LCN8: variants seen among roughly 807,000 people sequenced by gnomAD.
LCN8 encodes lipocalin 8, also known as epididymal-specific lipocalin-8.
In LCN8, 16 loss-of-function variants were observed where a neutral mutation model predicts 22.8. The observed-to-expected ratio is 0.70, with a 90% confidence interval of 0.47 to 1.06. The LOEUF (loss-of-function observed/expected upper bound fraction) is 1.06, where lower values mean the gene tolerates loss of function less well. LCN8 is among the 50% of genes least tolerant of loss of function. The pLI is 0.00. For synonymous variants in LCN8, 92 were observed against 83.4 expected (o/e 1.10, Z -0.56); for missense variants, 189 against 203.3 (o/e 0.93, Z 0.43).
chr9:136,754,468 C>A lies in LCN8; in HGVS notation c.*30G>T. ...GAGGGGCAGGGGTGGGCGGGCGCTC[C>A]GAACCTTGTGGTCTGAGGCAGGAAC... On this transcript the variant is annotated 3_prime_UTR_variant, in exon 7 of 7. Coordinates refer to ENST00000371688, the MANE Select transcript of LCN8 (RefSeq NM_178469.4). 6.4e-7 allele frequency: 1 copy of A among 1,556,872 alleles called. No individual in the cohort carries two copies. The highest frequency in any genetic ancestry group is 1.3e-5 in the African/African-American group (1 of 74,074).
At chr9:136,756,744 A>G in intron 2 of LCN8, 152 bp from the exon 3 acceptor site, 1 of 1,223,670 alleles carries the variant, frequency 8.2e-7, no homozygotes, top group South Asian at 1.5e-5. Context: ...GGAATGTGCC[A>G]GGTGGGGCCT....
chr9:136,757,260 C>A, intron 1 of LCN8, 92 bp from the exon 2 acceptor site: 3 of 1,530,048 alleles, frequency 2.0e-6, no homozygotes, highest in Non-Finnish European at 2.6e-6. Flanking sequence ...GCCTGCTGGG[C>A]TCTGAGAGGT....
intron 6 of LCN8, chr9:136,754,742 C>T (rs994176614): frequency 3.3e-5 from 46 of 1,391,476 alleles, no homozygotes; most frequent in Non-Finnish European, 3.8e-5. Flanking sequence ...AACATGGGAG[C>T]CCTGAGGCAG....
At position 136,758,054 on chromosome 9, in the gene LCN8, G is replaced by C; in HGVS notation, c.-124C>G. The C allele has an allele frequency of 1.3e-6, 2 of 1,537,770 alleles. No individual in the cohort carries two copies. Among genetic ancestry groups the C allele is most frequent in the Admixed American group, 2.0e-5 (1 of 50,920 alleles). ...TGCACAGCCTGGGCCGATTCTATAC[G>C]GACAGTGCAGGCTTGTGCGCCCACC... On this transcript the variant is annotated 5_prime_UTR_variant, in exon 1 of 7. Coordinates refer to ENST00000371688, the MANE Select transcript of LCN8 (RefSeq NM_178469.4).
rs539799472 is a variant in LCN8, at chr9:136,754,820, C to T, written c.448-311G>A. On this transcript the variant is annotated intron_variant, in intron 6 of 6. Coordinates refer to ENST00000371688, the MANE Select transcript of LCN8 (RefSeq NM_178469.4). ...GGCAGAAGCAGCCGGCAGTCCTGCACAGAACACCGAAGAAAAGGCGCCATT... is the reference window on the plus strand; with the variant it reads ...GGCAGAAGCAGCCGGCAGTCCTGCATAGAACACCGAAGAAAAGGCGCCATT... 9.4e-6 allele frequency: 13 copies of T among 1,377,660 alleles called. No homozygotes were observed. The African/African-American group carries it at 1.5e-4, about 16-fold the overall frequency. 85.3% of individuals were successfully genotyped at this position (1,377,660 alleles called of 1,614,324 possible). A position where few individuals can be genotyped will look rare whatever the true frequency, so the allele number is the denominator to read the frequency against.
intron 1 of LCN8, 60 bp from the exon 2 acceptor site, chr9:136,757,228 T>C: frequency 6.3e-7 from 1 of 1,576,840 alleles, no homozygotes; most frequent in African/African-American, 1.4e-5. Flanking sequence ...CCCAGGGGCA[T>C]TCCACGAACC....
intron 3 of LCN8, chr9:136,755,808 G>GGGGAACAGTGCGGGGAACAGTGCA (rs1847176459): frequency 2.6e-6 from 1 of 390,792 alleles, no homozygotes. Context: ...GGAACAGCAT[G>GGGGAACAGTGCGGGGAACAGTGCA]GGGAACAGTG....
intron 1 of LCN8, chr9:136,757,510 A>G (rs1847237042): frequency 7.4e-7 from 1 of 1,347,976 alleles, no homozygotes; most frequent in Non-Finnish European, 9.5e-7. Flanking sequence ...AGAGGCCTGG[A>G]AAAGAAAGCC....
At position 136,755,458 on chromosome 9, in the gene LCN8, C is replaced by T. The variant is rs377611011; in HGVS notation, c.285G>A (p.Val95=). Residue 95 remains valine (V), a synonymous_variant, in exon 4 of 7, where the codon GTG becomes GTA. Transcript: ENST00000371688. ...TDYEGYAILR[V]SLMWRGRNFR... is the part of the protein sequence containing the mutation. ...AGTTCCTGCCCCGCCACATCAGGGA[C>T]ACCCGCAGGATGGCGTAGCCCTCGT... The T allele has an allele frequency of 1.5e-5, 25 of 1,613,258 alleles. No homozygotes were observed. Among genetic ancestry groups the T allele is most frequent in the Non-Finnish European group, 1.9e-5 (23 of 1,180,032 alleles).
intron 3 of LCN8, chr9:136,756,318 T>C: frequency 6.6e-7 from 1 of 1,523,910 alleles, no homozygotes; most frequent in Non-Finnish European, 8.8e-7. Flanking sequence ...TGTGGAACAG[T>C]GCAGGGAGCA....
At position 136,757,922 on chromosome 9, in the gene LCN8, C is replaced by A; in HGVS notation, c.9G>T (p.Glu3Asp). The A allele has an allele frequency of 3.7e-6, 6 of 1,613,672 alleles. No individual in the cohort carries two copies. Among genetic ancestry groups the A allele is most frequent in the Non-Finnish European group, 5.1e-6 (6 of 1,179,978 alleles). Residue 3 changes from glutamate (E) to aspartate (D), a missense_variant, in exon 1 of 7, where the codon GAG (glutamate) becomes GAT (aspartate). Coordinates refer to ENST00000371688, the MANE Select transcript of LCN8 (RefSeq NM_178469.4). ...GAGAAGCCACCTTCTGCCGGTCCAG[C>A]TCCTCCATGGCTGCTGCCACCTGCG... Reference protein sequence around the residue: MEELDRQKIGGFW... With the variant: MEDLDRQKIGGFW...
chr9:136,758,288 C>T (rs907552793), upstream of LCN8: 3 of 1,204,410 alleles, frequency 2.5e-6, no homozygotes, highest in Admixed American at 7.5e-5. Context: ...GCTCCACCCA[C>T]ACCACCTGGG....
upstream of LCN8, chr9:136,758,372 C>A: frequency 9.8e-7 from 1 of 1,020,792 alleles, no homozygotes; most frequent in Non-Finnish European, 1.2e-6. Context: ...GGGCTGTGGG[C>A]ACTGATGGGC....
chr9:136,757,472 C>T (rs888721478), intron 1 of LCN8: 1 of 1,353,724 alleles, frequency 7.4e-7, no homozygotes, highest in Non-Finnish European at 9.5e-7. Flanking sequence ...ACAGGCCCTG[C>T]CTGACCTCGG....
intron 1 of LCN8, 144 bp downstream of exon 1, chr9:136,757,763 G>A (rs964388266): frequency 2.8e-5 from 44 of 1,567,400 alleles, no homozygotes; most frequent in Middle Eastern, 1.7e-4. Context: ...CAGACTCAGC[G>A]GAGAAGAAAA....
At position 136,755,495 on chromosome 9, in the gene LCN8, A is replaced by C; in HGVS notation, c.248T>G (p.Leu83Arg). The C allele has an allele frequency of 6.2e-7, 1 of 1,612,840 alleles. No individual in the cohort carries two copies. Among genetic ancestry groups the C allele is most frequent in the Non-Finnish European group, 8.5e-7 (1 of 1,179,876 alleles). The change falls in exon 4 of 7, where the codon CTG becomes CGG. Residue 83 changes from leucine to arginine, a missense_variant. Transcript: ENST00000371688. ...GGCGTAGCCCTCGTAGTCGGTGTCC[A>C]GCACGTGGATCTCTCTGTGGCCTTC... ...AFPGHREIHV[L>R]DTDYEGYAIL...
rs1257919801 is a variant in LCN8, at chr9:136,758,143, C to T, written c.-213G>A. On this transcript the variant is annotated 5_prime_UTR_variant, in exon 1 of 7. Coordinates refer to ENST00000371688, the MANE Select transcript of LCN8 (RefSeq NM_178469.4). ...AGAGACGTGGGTTTCTGCACAAGCG[C>T]CATCGGCCCTGGTGACACCCACGCC... The T allele has an allele frequency of 1.4e-6, 2 of 1,443,702 alleles. No homozygotes were observed. The highest frequency in any genetic ancestry group is 2.5e-5 in the East Asian group (1 of 39,832). The allele number at this position is 1,443,702 out of a possible 1,614,324, so 89.4% of individuals were successfully genotyped here.
chr9:136,754,776 C>T (rs913546329), intron 6 of LCN8: 16 of 1,374,040 alleles, frequency 1.2e-5, no homozygotes, highest in South Asian at 8.9e-5. Context: ...TGTGCCCCGC[C>T]GCCGACGGGA....
chr9:136,757,809 G>T, intron 1 of LCN8, 98 bp downstream of exon 1: 1 of 1,607,826 alleles, frequency 6.2e-7, no homozygotes, highest in East Asian at 2.2e-5. Flanking sequence ...GGGCACCAGC[G>T]TCCCCACGAG....
Sources: gnomAD v4.1 joint callset for allele counts on GRCh38, gnomAD v4.1.1 for gene constraint, MANE v1.5 for transcripts, NCBI Gene and HGNC (gene_info 2026-07-23, HGNC 2026-07-21) for gene names.